TMEM132D: variants seen among roughly 807,000 people sequenced by gnomAD.
The protein encoded by TMEM132D is mature OL transmembrane protein.
Under a neutral mutation model 62.3 loss-of-function variants are expected in TMEM132D, and 21 were observed. That is an observed-to-expected ratio of 0.34 (90% CI 0.24 to 0.49). The LOEUF (loss-of-function observed/expected upper bound fraction) is 0.49, where lower values mean the gene tolerates loss of function less well. Among genes scored for constraint, TMEM132D ranks in the 20% least tolerant of loss-of-function variants. The pLI is 0.99. For synonymous variants in TMEM132D, 621 were observed against 575.6 expected (o/e 1.08, Z -1.13); for missense variants, 1,346 against 1,402.8 (o/e 0.96, Z 0.65).
chr12:129,096,029 G>A (rs909657829), intron 5 of TMEM132D, among the ~76,000 whole-genome samples: 2 of 152,130 alleles, frequency 1.3e-5, no homozygotes, highest in African/African-American at 4.8e-5. Context: ...GCTCCTGGTG[G>A]GGGCTTCATA....
chr12:129,115,862 G>T (rs922854676), intron 5 of TMEM132D, among the ~76,000 whole-genome samples: 2 of 152,228 alleles, frequency 1.3e-5, no homozygotes, highest in African/African-American at 2.4e-5. Context: ...GGGGCATGTG[G>T]TGGTGGCCAC....
At chr12:129,871,781 C>T in intron 1 of TMEM132D, among the ~76,000 whole-genome samples, 1 of 152,170 alleles carries the variant, frequency 6.6e-6, no homozygotes, top group East Asian at 1.9e-4. Flanking sequence ...ACACCATGGG[C>T]TCCAGATCTA....
chr12:129,410,561 T>A (rs1031930405), intron 3 of TMEM132D, among the ~76,000 whole-genome samples: 5 of 151,838 alleles, frequency 3.3e-5, no homozygotes, highest in Non-Finnish European at 5.9e-5. Flanking sequence ...GGTTTCTCCA[T>A]GTTGGCCAGG....
intron 3 of TMEM132D, among the ~76,000 whole-genome samples, chr12:129,407,792 C>T (rs897221423): frequency 6.6e-6 from 1 of 151,150 alleles, no homozygotes; most frequent in African/African-American, 2.4e-5. Flanking sequence ...GTCCCAGCTA[C>T]TCGGGAGGCT....
At chr12:129,634,894 A>G (rs1376556189) in intron 2 of TMEM132D, among the ~76,000 whole-genome samples, 1 of 152,186 alleles carries the variant, frequency 6.6e-6, no homozygotes, top group African/African-American at 2.4e-5. Context: ...TTCACAATTT[A>G]CTTATTTAGA....
intron 3 of TMEM132D, among the ~76,000 whole-genome samples, chr12:129,487,936 CAAAAAAAAAAAAA>C (rs58079383): frequency 7.3e-5 from 4 of 54,694 alleles, no homozygotes; most frequent in South Asian, 8.8e-4. Context: ...GACTCCATCT[CAAAAAAAAAAAAA>C]AAAAAAAAAA....
intron 5 of TMEM132D, among the ~76,000 whole-genome samples, chr12:129,171,210 A>G (rs1877715796): frequency 6.6e-6 from 1 of 152,132 alleles, no homozygotes; most frequent in South Asian, 2.1e-4. Context: ...ATCTCAAGAA[A>G]CCACTTTCTT....
chr12:129,293,634 A>G (rs1184364028), intron 4 of TMEM132D, among the ~76,000 whole-genome samples: 4 of 152,132 alleles, frequency 2.6e-5, no homozygotes, highest in Admixed American at 6.6e-5. Flanking sequence ...TCTGGGGGTG[A>G]TGGAGACAGT....
At chr12:129,547,215 T>C (rs1228212386) in intron 2 of TMEM132D, among the ~76,000 whole-genome samples, 1 of 152,154 alleles carries the variant, frequency 6.6e-6, no homozygotes, top group East Asian at 1.9e-4. Context: ...CCTTCCAGCA[T>C]GTCTGTGTCT....
intron 4 of TMEM132D, among the ~76,000 whole-genome samples, chr12:129,304,656 T>C (rs1259915225): frequency 4.7e-5 from 7 of 147,618 alleles, no homozygotes; most frequent in South Asian, 2.1e-4. Flanking sequence ...CCAAACATAC[T>C]TGGATCTTTT....
intron 1 of TMEM132D, among the ~76,000 whole-genome samples, chr12:129,818,088 G>A (rs1051209881): frequency 6.7e-6 from 1 of 149,272 alleles, no homozygotes; most frequent in East Asian, 2.0e-4. Flanking sequence ...GTGTGGTGTG[G>A]GGTGTGTGCG....
At chr12:129,364,484 G>C (rs1870345259) in intron 3 of TMEM132D, among the ~76,000 whole-genome samples, 1 of 152,258 alleles carries the variant, frequency 6.6e-6, no homozygotes, top group Admixed American at 6.5e-5. Context: ...TGCAAAGCTT[G>C]TAGAGGGATT....
intron 3 of TMEM132D, chr12:129,521,611 C>T (rs1482363887): frequency 1.3e-5 from 2 of 152,206 alleles, no homozygotes; most frequent in Non-Finnish European, 2.9e-5. Flanking sequence ...ATTTAAAATG[C>T]AGTCTAGAAA....
intron 4 of TMEM132D, among the ~76,000 whole-genome samples, chr12:129,257,264 T>G (rs76230596): frequency 6.7e-6 from 1 of 149,376 alleles, no homozygotes; most frequent in Non-Finnish European, 1.5e-5. Flanking sequence ...AGGAATGCAG[T>G]GGCACGATCT....
At chr12:129,821,046 T>TA (rs1872529707) in intron 1 of TMEM132D, among the ~76,000 whole-genome samples, 1 of 152,250 alleles carries the variant, frequency 6.6e-6, no homozygotes, top group African/African-American at 2.4e-5. Context: ...TTCTCCTATA[T>TA]AAACCCATTT....
intron 1 of TMEM132D, among the ~76,000 whole-genome samples, chr12:129,869,963 T>C (rs1313223620): frequency 6.6e-6 from 1 of 152,164 alleles, no homozygotes. Flanking sequence ...TCCTGAGTGA[T>C]GTGTTCTTGG....
At chr12:129,230,310 G>GGGT (rs1020549051) in intron 4 of TMEM132D, among the ~76,000 whole-genome samples, 1 of 149,676 alleles carries the variant, frequency 6.7e-6, no homozygotes, top group Non-Finnish European at 1.5e-5. Flanking sequence ...GTGTTGGAGG[G>GGGT]GGGGGGCTCC....
intron 5 of TMEM132D, among the ~76,000 whole-genome samples, chr12:129,126,605 G>C (rs953767445): frequency 2.6e-5 from 4 of 152,100 alleles, no homozygotes; most frequent in African/African-American, 7.2e-5. Context: ...CCATCAGGGT[G>C]GGGGGTGAAT....
chr12:129,170,106 G>C (rs370962383), intron 5 of TMEM132D: 1 of 152,180 alleles, frequency 6.6e-6, no homozygotes, highest in Non-Finnish European at 1.5e-5. Flanking sequence ...GTGAATAATC[G>C]TAAAGTCTCC....
Sources: gnomAD v4.1 joint callset for allele counts (sites outside exome capture counted in the v4.1 genomes callset) on GRCh38, gnomAD v4.1.1 for gene constraint, MANE v1.5 for transcripts, NCBI Gene and HGNC (gene_info 2026-07-23, HGNC 2026-07-21) for gene names.